Variants in PKP2 observed in about 807,000 individuals in gnomAD.
PKP2 encodes plakophilin 2, also known as plakophilin-2.
Under a neutral mutation model 83.4 loss-of-function variants are expected in PKP2, and 73 were observed. The ratio of observed to expected loss-of-function variants is 0.88; its 90% CI spans 0.72 to 1.06. PKP2 has a LOEUF of 1.06. PKP2 is among the 50% of genes least tolerant of loss of function. The probability of loss-of-function intolerance (pLI) is 0.00; values close to 1 mark genes in which losing one functional copy is unlikely to be tolerated. For missense variants in PKP2, 966 were observed against 1,065.4 expected (o/e 0.91, Z 1.30); for synonymous variants, 409 against 430.4 (o/e 0.95, Z 0.62).
At chr12:32,887,318 C>T (rs1957038744) in intron 1 of PKP2, among the ~76,000 whole-genome samples, 2 of 152,154 alleles carry the variant, frequency 1.3e-5, no homozygotes, top group Non-Finnish European at 2.9e-5. Context: ...GATATACCAG[C>T]CACTAGAGTC....
intron 5 of PKP2, among the ~76,000 whole-genome samples, chr12:32,841,769 A>G (rs1270805274): frequency 6.6e-6 from 1 of 152,208 alleles, no homozygotes; most frequent in Non-Finnish European, 1.5e-5. Context: ...AAGCTGATCA[A>G]CATCACCAAT....
At chr12:32,837,510 C>A (rs1449391540) in intron 6 of PKP2, among the ~76,000 whole-genome samples, 1 of 152,162 alleles carries the variant, frequency 6.6e-6, no homozygotes, top group African/African-American at 2.4e-5. Context: ...ATTAGATATA[C>A]AGATGAAATC....
intron 5 of PKP2, among the ~76,000 whole-genome samples, chr12:32,849,949 A>G (rs79623389): frequency 0.15 from 22,403 of 152,284 alleles, 1,809 homozygotes; most frequent in Middle Eastern, 0.22. Flanking sequence ...AAACTATGTG[A>G]CACTCCATTT....
At chr12:32,813,664 T>C (rs560168253) in intron 9 of PKP2, among the ~76,000 whole-genome samples, 1 of 151,832 alleles carries the variant, frequency 6.6e-6, no homozygotes, top group Admixed American at 6.6e-5. Context: ...CCTGTGGTTC[T>C]AGCTTTTTGG....
At chr12:32,842,266 G>A (rs1418515630) in intron 5 of PKP2, among the ~76,000 whole-genome samples, 1 of 151,842 alleles carries the variant, frequency 6.6e-6, no homozygotes, top group Non-Finnish European at 1.5e-5. Context: ...TTGAGACTGC[G>A]TCTCACTCTA....
Position 32,841,131 on chromosome 12 carries a change from C to T in PKP2, c.1453G>A (p.Glu485Lys), listed in dbSNP as rs868161134. The T allele has an allele frequency of 6.2e-7, 1 of 1,613,198 alleles. No homozygotes were observed. The highest frequency in any genetic ancestry group is 1.7e-5 in the Admixed American group (1 of 59,994). ...CCAGAAAAGGGGATGATGATATTCT[C>T]CGTCAGCGTAAGCAATGCTTCTGTT... ...MITEALLTLT[E>K]NIIIPFSGWP... Residue 485 changes from glutamate to lysine, a missense_variant, in exon 6 of 13, where the codon GAG (glutamate) becomes AAG (lysine). Physicochemically the swap from Glu to Lys is moderately conservative, Grantham distance 56. Coordinates refer to ENST00000340811, the MANE Select transcript of PKP2 (RefSeq NM_001005242.3).
At chr12:32,879,289 C>A (rs369456635) in intron 1 of PKP2, among the ~76,000 whole-genome samples, 8 of 152,306 alleles carry the variant, frequency 5.3e-5, no homozygotes, top group East Asian at 1.9e-4. Context: ...TCCCAGCACT[C>A]TGGGAGGCAG....
At chr12:32,893,176 A>G (rs186854236) in intron 1 of PKP2, 13 of 152,324 alleles carry the variant, frequency 8.5e-5, no homozygotes, top group Admixed American at 7.2e-4. Flanking sequence ...AATCAGCCAC[A>G]TTTATCTCAT....
chr12:32,816,906 A>G (rs1956325433), intron 9 of PKP2, among the ~76,000 whole-genome samples: 1 of 152,164 alleles, frequency 6.6e-6, no homozygotes, highest in South Asian at 2.1e-4. Flanking sequence ...ATGTCTGTTC[A>G]TGTCTTTGGC....
intron 9 of PKP2, among the ~76,000 whole-genome samples, chr12:32,812,219 C>T (rs749150274): frequency 2.2e-4 from 33 of 149,166 alleles, no homozygotes; most frequent in South Asian, 6.5e-4. Context: ...ACATTTTCAA[C>T]GCATGGTGTC....
At chr12:32,861,506 A>G (rs1956797394) in intron 4 of PKP2, among the ~76,000 whole-genome samples, 1 of 152,232 alleles carries the variant, frequency 6.6e-6, no homozygotes, top group East Asian at 1.9e-4. Context: ...ATATTAAGAG[A>G]TTAGCAAATG....
At chr12:32,822,031 C>A (rs528971450) in intron 8 of PKP2, among the ~76,000 whole-genome samples, 1 of 152,170 alleles carries the variant, frequency 6.6e-6, no homozygotes, top group Non-Finnish European at 1.5e-5. Context: ...GTATTCCTTC[C>A]TATGAGGTTT....
chr12:32,887,800 T>C (rs1215355889), intron 1 of PKP2, among the ~76,000 whole-genome samples: 1 of 152,242 alleles, frequency 6.6e-6, no homozygotes, highest in Non-Finnish European at 1.5e-5. Context: ...TATTAGAATA[T>C]GTAATTGTAG....
At chr12:32,833,486 T>G (rs1420793302) in intron 6 of PKP2, among the ~76,000 whole-genome samples, 1 of 152,172 alleles carries the variant, frequency 6.6e-6, no homozygotes, top group Non-Finnish European at 1.5e-5. Context: ...CAACTTGCCC[T>G]TAACTCTGTG....
chr12:32,859,603 C>T (rs977846170), intron 4 of PKP2, among the ~76,000 whole-genome samples: 2 of 152,070 alleles, frequency 1.3e-5, no homozygotes, highest in African/African-American at 4.8e-5. Context: ...ACTACAGGTG[C>T]ATGCCACCAT....
chr12:32,877,955 C>A lies in PKP2; in HGVS notation c.925G>T (p.Ala309Ser). 6.2e-7 allele frequency: 1 copy of A among 1,614,162 alleles called. No homozygotes were observed. The highest frequency in any genetic ancestry group is 8.5e-7 in the Non-Finnish European group (1 of 1,180,026). Residue 309 changes from alanine to serine, a missense_variant, in exon 3 of 13, where the codon GCC becomes TCC. Coordinates refer to ENST00000340811, the MANE Select transcript of PKP2 (RefSeq NM_001005242.3). ...RTLREAGPSVAVDSSGRRAHL... is the reference protein window; with the variant it reads ...RTLREAGPSVSVDSSGRRAHL... ...GCTCTCCTCCCGCTGGAATCCACGG[C>A]GACACTGGGCCCAGCTTCCCTCAGC...
Position 32,855,773 on chromosome 12 carries a change from C to CAAA in PKP2, c.1171-4803_1171-4801dup, listed in dbSNP as rs11431590. ...CCTGGGCGACAGAGAGACTCCATCT[C>CAAA]AAAAAAAAAAAAAAAAAAAAAAGGA... is the stretch of plus-strand genomic sequence containing the variant. On this transcript the variant is annotated intron_variant, in intron 4 of 12. Coordinates refer to ENST00000340811, the MANE Select transcript of PKP2 (RefSeq NM_001005242.3). Among the ~76,000 whole-genome samples, 34 of 46,536 alleles carry CAAA rather than the reference C, an allele frequency of 7.3e-4. 1 individual carries two copies. The highest frequency in any genetic ancestry group is 3.6e-3 in the East Asian group (7 of 1,932). 30.5% of individuals were successfully genotyped at this position (46,536 alleles called of 152,430 possible).
Position 32,881,866 on chromosome 12 carries a change from CCTT to C in PKP2, c.224-2837_224-2835del, listed in dbSNP as rs551770463. On this transcript the variant is annotated intron_variant, in intron 1 of 12. Transcript: ENST00000340811. The stretch of plus-strand genomic sequence containing the variant: ...AACCCTTTATCCTCTACTCTGCACT[CCTT>C]CTCTCCTCCCCAGGCCACTAGGGAG... Among the ~76,000 whole-genome samples the C allele has an allele frequency of 2.9e-3, 448 of 152,316 alleles. 1 individual carries two copies. The highest frequency in any genetic ancestry group is 0.01 in the African/African-American group (418 of 41,570).
At chr12:32,891,020 T>C (rs901774695) in intron 1 of PKP2, among the ~76,000 whole-genome samples, 1 of 151,914 alleles carries the variant, frequency 6.6e-6, no homozygotes, top group African/African-American at 2.4e-5. Flanking sequence ...TGAGAGCACT[T>C]GATAGTTTGT....
Sources: allele counts gnomAD v4.1 joint callset (sites outside exome capture counted in the v4.1 genomes callset), GRCh38; gene constraint gnomAD v4.1.1; transcripts MANE v1.5; gene names NCBI Gene and HGNC (gene_info 2026-07-23, HGNC 2026-07-21).